Variants in COL14A1 observed in about 807,000 individuals in gnomAD.
The protein encoded by COL14A1 is collagen type XIV alpha 1 chain, also known as collagen alpha-1(XIV) chain.
Under a neutral mutation model 230.3 loss-of-function variants are expected in COL14A1, and 136 were observed. The ratio of observed to expected loss-of-function variants is 0.59; its 90% CI spans 0.51 to 0.68. The LOEUF (loss-of-function observed/expected upper bound fraction) is 0.68. Ranked by LOEUF, COL14A1 falls within the 30% of genes least tolerant of loss-of-function variation. COL14A1 has a pLI of 0.00. For synonymous variants in COL14A1, 792 were observed against 784.1 expected (o/e 1.01, Z -0.17); for missense variants, 1,976 against 2,215.8 (o/e 0.89, Z 2.17).
At chr8:120,230,400 A>G (rs780569298) in intron 18 of COL14A1, among the ~76,000 whole-genome samples, 10 of 151,936 alleles carry the variant, frequency 6.6e-5, no homozygotes, top group Non-Finnish European at 1.2e-4. Context: ...ATGGCTCTCC[A>G]TTACCCATTT....
At position 120,244,018 on chromosome 8, in the gene COL14A1, G is replaced by A; in HGVS notation, c.2479+10G>A. 3 of 1,608,930 alleles carry A rather than the reference G, an allele frequency of 1.9e-6. No individual in the cohort carries two copies. The highest frequency in any genetic ancestry group is 1.1e-5 in the South Asian group (1 of 90,292). The stretch of plus-strand genomic sequence containing the variant: ...GCTCCTGGAAAAACCTGTAAGTGAA[G>A]CTTTCTCCCTTTGAATACAAGCCGA... On this transcript the variant is annotated intron_variant, in intron 20 of 47. Coordinates refer to ENST00000297848, the MANE Select transcript of COL14A1 (RefSeq NM_021110.4).
chr8:120,297,768 C>G (rs1820572176), intron 35 of COL14A1, among the ~76,000 whole-genome samples, 180 bp downstream of exon 35: 1 of 152,028 alleles, frequency 6.6e-6, no homozygotes, highest in East Asian at 1.9e-4. Flanking sequence ...CCTAGGATCA[C>G]ATACAGCGTG....
At chr8:120,175,672 A>G (rs893723743) in intron 5 of COL14A1, among the ~76,000 whole-genome samples, 1 of 152,190 alleles carries the variant, frequency 6.6e-6, no homozygotes, top group African/African-American at 2.4e-5. Flanking sequence ...CCGTCCCACA[A>G]TATCAGAGTT....
chr8:120,342,507 T>C (rs1419657271), intron 44 of COL14A1, 61 bp downstream of exon 44: 2 of 1,525,172 alleles, frequency 1.3e-6, no homozygotes, highest in Non-Finnish European at 1.8e-6. Context: ...AAAAGAGAGT[T>C]TCTTTTCCCA....
intron 5 of COL14A1, among the ~76,000 whole-genome samples, chr8:120,189,513 T>A (rs1449960705): frequency 6.6e-6 from 1 of 151,958 alleles, no homozygotes; most frequent in Non-Finnish European, 1.5e-5. Context: ...CTTTAAGTTT[T>A]AGGGTACATG....
intron 5 of COL14A1, 90 bp downstream of exon 5, chr8:120,168,337 T>C: frequency 1.1e-6 from 1 of 886,064 alleles, no homozygotes; most frequent in Admixed American, 2.2e-5. Flanking sequence ...TGGTCCCATC[T>C]AAGAAGGGCA....
At position 120,314,027 on chromosome 8, in the gene COL14A1, C is replaced by T. The variant is rs560109579; in HGVS notation, c.4551C>T (p.Pro1517=). Residue 1517 remains proline (P), a splice_region_variant and synonymous_variant, in exon 38 of 48, where the codon CCC becomes CCT. Coordinates refer to ENST00000297848, the MANE Select transcript of COL14A1 (RefSeq NM_021110.4). The part of the protein sequence containing the change: ...GPSGLSIQGM[P]GMPGEKGEKG... The stretch of plus-strand genomic sequence containing the variant: ...GTGGTCTGTCCATTCAAGGAATGCC[C>T]GTGAGTTGTGTTCAAACATTCAGAC... The T allele has an allele frequency of 4.6e-5, 73 of 1,601,158 alleles. No homozygotes were observed. The East Asian group carries it at 5.2e-4, about 11-fold the overall frequency.
chr8:120,169,901 TA>T (rs1211214179), intron 5 of COL14A1, among the ~76,000 whole-genome samples: 1 of 152,112 alleles, frequency 6.6e-6, no homozygotes, highest in African/African-American at 2.4e-5. Flanking sequence ...ACCATACAGT[TA>T]AAACTCATTG....
In COL14A1 at chr8:120,333,167, A is replaced by G. The variant is rs1821929032; in HGVS notation, c.4785+432A>G. Among the ~76,000 whole-genome samples the G allele has an allele frequency of 2.0e-5, 3 of 152,360 alleles. No individual in the cohort carries two copies. In the East Asian group the frequency reaches 5.8e-4, roughly 29 times the overall value. On this transcript the variant is annotated intron_variant, in intron 42 of 47. Coordinates refer to ENST00000297848, the MANE Select transcript of COL14A1 (RefSeq NM_021110.4). ...ATTCTACAAGACAGAATTTACCAGT[A>G]AAACACACACTCACACATAAGTGAG...
chr8:120,217,996 T>C (rs1219042409), intron 14 of COL14A1, among the ~76,000 whole-genome samples: 2 of 139,530 alleles, frequency 1.4e-5, no homozygotes, highest in African/African-American at 5.3e-5. Flanking sequence ...TTTACAAATA[T>C]ATATTATATA....
At chr8:120,207,717 C>A (rs919018386) in intron 10 of COL14A1, among the ~76,000 whole-genome samples, 7 of 151,474 alleles carry the variant, frequency 4.6e-5, no homozygotes, top group African/African-American at 1.7e-4. Flanking sequence ...TTGTCTTTTT[C>A]TTTTTGTTGT....
intron 5 of COL14A1, among the ~76,000 whole-genome samples, chr8:120,194,345 T>C (rs1327376004): frequency 6.6e-6 from 1 of 152,214 alleles, no homozygotes; most frequent in Non-Finnish European, 1.5e-5. Flanking sequence ...TTCCCTCTTC[T>C]TTTAATTAGT....
chr8:120,201,713 A>G (rs933832387), intron 8 of COL14A1, among the ~76,000 whole-genome samples: 3 of 152,292 alleles, frequency 2.0e-5, no homozygotes, highest in South Asian at 2.1e-4. Flanking sequence ...GCTATTCACA[A>G]TGTGGCTTAT....
At chr8:120,157,083 T>A (rs1289227045) in intron 2 of COL14A1, among the ~76,000 whole-genome samples, 3 of 152,208 alleles carry the variant, frequency 2.0e-5, no homozygotes, top group Non-Finnish European at 4.4e-5. Flanking sequence ...CTGGAACATT[T>A]GTGTAGTGTT....
At chr8:120,325,079 C>T (rs1471817418) in intron 40 of COL14A1, among the ~76,000 whole-genome samples, 2 of 152,218 alleles carry the variant, frequency 1.3e-5, no homozygotes, top group East Asian at 3.9e-4. Flanking sequence ...CCAATTTCAG[C>T]CATGGTTAAA....
At chr8:120,369,827 G>A (rs570768863) in intron 47 of COL14A1, among the ~76,000 whole-genome samples, 9 of 152,290 alleles carry the variant, frequency 5.9e-5, no homozygotes, top group African/African-American at 1.9e-4. Flanking sequence ...CCATTCTTAT[G>A]TGACAGCTGT....
At chr8:120,215,476 G>T (rs1198335166) in intron 13 of COL14A1, among the ~76,000 whole-genome samples, 6 of 152,116 alleles carry the variant, frequency 3.9e-5, no homozygotes, top group African/African-American at 1.2e-4. Flanking sequence ...AGAACTGTGG[G>T]TTTACGCTGA....
At chr8:120,157,793 G>T (rs1174483511) in intron 2 of COL14A1, among the ~76,000 whole-genome samples, 3 of 151,850 alleles carry the variant, frequency 2.0e-5, no homozygotes, top group Non-Finnish European at 4.4e-5. Flanking sequence ...AGACCAGCCT[G>T]GCCAAGATGG....
chr8:120,138,214 T>G (rs941592705), intron 1 of COL14A1, among the ~76,000 whole-genome samples: 44 of 152,202 alleles, frequency 2.9e-4, no homozygotes, highest in Non-Finnish European at 6.3e-4. Flanking sequence ...TGCTGAAATC[T>G]TCAACTTTGC....
Sources: gnomAD v4.1 joint callset for allele counts (sites outside exome capture counted in the v4.1 genomes callset) on GRCh38, gnomAD v4.1.1 for gene constraint, MANE v1.5 for transcripts, NCBI Gene and HGNC (gene_info 2026-07-23, HGNC 2026-07-21) for gene names.